Variants in SLC18B1 observed in about 807,000 individuals in gnomAD.
The protein encoded by SLC18B1 is MFS-type transporter SLC18B1.
A neutral mutation model predicts 53.9 loss-of-function variants in SLC18B1; 62 were observed. That is an observed-to-expected ratio of 1.15 (90% CI 0.94 to 1.42). The LOEUF (loss-of-function observed/expected upper bound fraction) is 1.42. SLC18B1 is among the 40% of genes most tolerant of loss of function. The probability of loss-of-function intolerance (pLI) is 0.00; values close to 1 mark genes in which losing one functional copy is unlikely to be tolerated. For missense variants in SLC18B1, 598 were observed against 547.3 expected (o/e 1.09, Z -0.93); for synonymous variants, 217 against 200.9 (o/e 1.08, Z -0.68).
chr6:132,771,051 T>C lies in SLC18B1; in HGVS notation c.1239A>G (p.Leu413=), dbSNP rs768394104. ...GATTACTCACACTTATCAGAGCCCA[T>C]AGACCTTGTATAGCTGCTGCCCATT... ...GFEWAAAIQG[L]WALISGLAMG... is the part of the protein sequence containing the mutation. Residue 413 remains leucine (L), a synonymous_variant, in exon 12 of 14, where the codon CTA becomes CTG. Transcript: ENST00000275227. 110 of 1,613,998 alleles carry C rather than the reference T, an allele frequency of 6.8e-5. No individual in the cohort carries two copies. The highest frequency in any genetic ancestry group is 8.6e-5 in the Non-Finnish European group (102 of 1,180,014).
At chr6:132,773,619 G>T (rs1018668312) in intron 9 of SLC18B1, among the ~76,000 whole-genome samples, 8 of 152,176 alleles carry the variant, frequency 5.3e-5, no homozygotes, top group Admixed American at 2.0e-4. Context: ...GAAAACCGAG[G>T]CTCTTGGAAG....
In SLC18B1 at chr6:132,770,344, G is replaced by A; in HGVS notation, c.1305-8C>T. 1.2e-6 allele frequency: 2 copies of A among 1,608,580 alleles called. No homozygotes were observed. The highest frequency in any genetic ancestry group is 1.7e-6 in the Non-Finnish European group (2 of 1,175,008). ...ATGTTTTGAGATTTAGACCTACATT[G>A]AGGGAAAGAAGAGATGAATCTCAAT... On this transcript the variant is annotated splice_polypyrimidine_tract_variant and splice_region_variant and intron_variant, in intron 13 of 13. Coordinates refer to ENST00000275227, the MANE Select transcript of SLC18B1 (RefSeq NM_052831.3).
rs1421173045 is a variant in SLC18B1, at chr6:132,779,325, T to G, written c.738A>C (p.Ser246=). The change falls in exon 7 of 14, where the codon TCA becomes TCC. Residue 246 remains serine, a synonymous_variant. Transcript: ENST00000275227. ...KVGLIAFVIN[S]LSSCFGFLDP... Reference sequence around the variant, plus strand: ...CGAGGAAGCCAAAACACGAGCTGAGTGAGTTGATGACGAAGGCTATAAGGC... The same window carrying G: ...CGAGGAAGCCAAAACACGAGCTGAGGGAGTTGATGACGAAGGCTATAAGGC... 5 of 1,613,566 alleles carry G rather than the reference T, an allele frequency of 3.1e-6. No homozygotes were observed. The highest frequency in any genetic ancestry group is 4.2e-6 in the Non-Finnish European group (5 of 1,179,870).
At chr6:132,787,311 C>T (rs753772266) in intron 5 of SLC18B1, 123 bp downstream of exon 5, 5 of 940,692 alleles carry the variant, frequency 5.3e-6, no homozygotes, top group Non-Finnish European at 7.4e-6. Flanking sequence ...GGGTGAAAGG[C>T]AACAATAATA....
intron 2 of SLC18B1, among the ~76,000 whole-genome samples, chr6:132,790,755 G>A (rs1781502680): frequency 6.6e-6 from 1 of 152,144 alleles, no homozygotes; most frequent in South Asian, 2.1e-4. Context: ...ATCAGTCTAG[G>A]TCTCTGTTTC....
intron 6 of SLC18B1, among the ~76,000 whole-genome samples, chr6:132,781,555 G>A (rs957771659): frequency 1.1e-4 from 17 of 152,070 alleles, no homozygotes; most frequent in African/African-American, 2.9e-4. Context: ...GTAGGAGTTC[G>A]AGACCAGCCT....
At chr6:132,792,343 G>C in intron 2 of SLC18B1, among the ~76,000 whole-genome samples, 1 of 100,628 alleles carries the variant, frequency 9.9e-6, no homozygotes, top group South Asian at 3.1e-4. Context: ...AAGGAAGGAA[G>C]GAAGGAAGGA....
intron 7 of SLC18B1, among the ~76,000 whole-genome samples, chr6:132,777,348 C>G (rs1292470857): frequency 1.3e-5 from 2 of 152,152 alleles, no homozygotes; most frequent in Non-Finnish European, 2.9e-5. Context: ...CTGAGGAAAC[C>G]TCCTGTCTTC....
Position 132,792,347 on chromosome 6 carries a change from G to A in SLC18B1, c.184-2075C>T, listed in dbSNP as rs1337444458. Among the ~76,000 whole-genome samples the A allele has an allele frequency of 4.4e-5, 5 of 114,858 alleles. 1 individual carries two copies. The highest frequency in any genetic ancestry group is 1.8e-4 in the African/African-American group (5 of 27,600). 75.4% of individuals were successfully genotyped at this position (114,858 alleles called of 152,430 possible). On this transcript the variant is annotated intron_variant, in intron 2 of 13. Coordinates refer to ENST00000275227, the MANE Select transcript of SLC18B1 (RefSeq NM_052831.3). ...AGGAAGGAAGGAAGGAAGGAAGGAAGGAAGGAAGGGAAAGAAAGAAAAGAA... is the reference window on the plus strand; with the variant it reads ...AGGAAGGAAGGAAGGAAGGAAGGAAAGAAGGAAGGGAAAGAAAGAAAAGAA...
intron 4 of SLC18B1, among the ~76,000 whole-genome samples, chr6:132,789,076 T>C (rs139820600): frequency 1.3e-3 from 196 of 152,340 alleles, no homozygotes; most frequent in African/African-American, 4.4e-3. Flanking sequence ...CATGTACTTA[T>C]ATAAGCTCTT....
At position 132,797,108 on chromosome 6, in the gene SLC18B1, T is replaced by C. The variant is rs1781714208; in HGVS notation, c.57A>G (p.Ala19=). Residue 19 remains alanine (A), a synonymous_variant, in exon 2 of 14, where the codon GCA becomes GCG. Coordinates refer to ENST00000275227, the MANE Select transcript of SLC18B1 (RefSeq NM_052831.3). ...GPRAPGGDDP[A]GSAGETPGWL... is the part of the protein sequence containing the mutation. The stretch of plus-strand genomic sequence containing the variant: ...ACCCGGGGGTCTCTCCTGCACTTCC[T>C]GCAGGATCATCACCTTGAATGCAAA... 1 of 1,613,504 alleles carries C rather than the reference T, an allele frequency of 6.2e-7. No homozygotes were observed. Among genetic ancestry groups the C allele is most frequent in the Non-Finnish European group, 8.5e-7 (1 of 1,179,916 alleles).
At chr6:132,788,174 A>G (rs569387504) in intron 4 of SLC18B1, among the ~76,000 whole-genome samples, 30 of 143,258 alleles carry the variant, frequency 2.1e-4, no homozygotes, top group African/African-American at 8.5e-4. Context: ...AAAAAGAAAA[A>G]GAAAAAAAAA....
Position 132,770,095 on chromosome 6 carries a change from A to G in SLC18B1, c.*175T>C. On this transcript the variant is annotated 3_prime_UTR_variant, in exon 14 of 14. Transcript: ENST00000275227. ...TGCTTCAGCAGGACAGCTTTTCAGT[A>G]TCACAGTAAGTACAGCCCAATACAG... 2.2e-6 allele frequency: 1 copy of G among 454,196 alleles called. No individual in the cohort carries two copies. Among genetic ancestry groups the G allele is most frequent in the East Asian group, 3.5e-5 (1 of 28,208 alleles). The allele number at this position is 454,196 out of a possible 1,614,324, so 28.1% of individuals were successfully genotyped here. A position where few individuals can be genotyped will look rare whatever the true frequency, so the allele number is the denominator to read the frequency against.
At position 132,797,075 on chromosome 6, in the gene SLC18B1, C is replaced by T. The variant is rs34688576; in HGVS notation, c.90G>A (p.Ser30=). 0.059 allele frequency: 95,321 copies of T among 1,613,970 alleles called. 3,994 individuals carry two copies. The highest frequency in any genetic ancestry group is 0.2 in the African/African-American group (15,209 of 74,968). ...GSAGETPGWL[S]REQVFVLISA... ...ATATCAGTACAAAAACCTGTTCTCTCGAAAGCCACCCGGGGGTCTCTCCTG... is the reference window on the plus strand; with the variant it reads ...ATATCAGTACAAAAACCTGTTCTCTTGAAAGCCACCCGGGGGTCTCTCCTG... Residue 30 remains serine (S), a synonymous_variant, in exon 2 of 14, where the codon TCG becomes TCA. Coordinates refer to ENST00000275227, the MANE Select transcript of SLC18B1 (RefSeq NM_052831.3).
intron 2 of SLC18B1, among the ~76,000 whole-genome samples, chr6:132,794,145 C>T (rs1781614575): frequency 6.8e-6 from 1 of 148,060 alleles, no homozygotes; most frequent in African/African-American, 2.6e-5. Flanking sequence ...ACTCTGTTGC[C>T]CAGGCTAGAG....
chr6:132,778,933 C>T (rs1221246432), intron 7 of SLC18B1, among the ~76,000 whole-genome samples: 1 of 152,168 alleles, frequency 6.6e-6, no homozygotes, highest in Non-Finnish European at 1.5e-5. Flanking sequence ...CTGTGTACCC[C>T]TAATGTCTCA....
At chr6:132,786,328 G>C (rs553199212) in intron 5 of SLC18B1, among the ~76,000 whole-genome samples, 1 of 152,032 alleles carries the variant, frequency 6.6e-6, no homozygotes, top group Non-Finnish European at 1.5e-5. Flanking sequence ...GGTGGATCAC[G>C]AGGTCAGGAG....
chr6:132,794,830 C>G (rs1437796266), intron 2 of SLC18B1, among the ~76,000 whole-genome samples: 3 of 152,090 alleles, frequency 2.0e-5, no homozygotes, highest in African/African-American at 7.2e-5. Context: ...ATGGTGAAAC[C>G]CCATCTCTAC....
chr6:132,789,411 A>G (rs1781466787), intron 4 of SLC18B1: 2 of 177,154 alleles, frequency 1.1e-5, no homozygotes, highest in African/African-American at 4.8e-5. Context: ...TCAAATCTGT[A>G]TTCTGATATT....
Sources: gnomAD v4.1 joint callset for allele counts (sites outside exome capture counted in the v4.1 genomes callset) on GRCh38, gnomAD v4.1.1 for gene constraint, MANE v1.5 for transcripts, NCBI Gene and HGNC (gene_info 2026-07-23, HGNC 2026-07-21) for gene names.